CCSER1: variants seen among roughly 807,000 people sequenced by gnomAD.
CCSER1 encodes coiled-coil serine rich protein 1, also known as serine-rich coiled-coil domain-containing protein 1.
A neutral mutation model predicts 82.0 loss-of-function variants in CCSER1; 41 were observed. The observed-to-expected ratio is 0.50, with a 90% CI of 0.39 to 0.65. CCSER1 has a LOEUF of 0.65. Among genes scored for constraint, CCSER1 ranks in the 30% least tolerant of loss-of-function variants. The probability of loss-of-function intolerance (pLI) is 0.00; values close to 1 mark genes in which losing one functional copy is unlikely to be tolerated. For synonymous variants in CCSER1, 414 were observed against 383.9 expected, an observed-to-expected ratio of 1.08 and a Z score of -0.92; for missense variants, 1,119 against 1,064.2, an observed-to-expected ratio of 1.05 and a Z score of -0.72.
At chr4:90,321,567 G>A (rs74497156) in intron 3 of CCSER1, among the ~76,000 whole-genome samples, 5 of 151,936 alleles carry the variant, frequency 3.3e-5, no homozygotes, top group South Asian at 2.1e-4. Flanking sequence ...TCTTTTTTCC[G>A]AGTGCATACT....
At chr4:90,228,303 G>C (rs1471986135) in intron 1 of CCSER1, among the ~76,000 whole-genome samples, 1 of 152,182 alleles carries the variant, frequency 6.6e-6, no homozygotes, top group South Asian at 2.1e-4. Context: ...CTCCTCAAGT[G>C]GGTCCCTGAC....
At chr4:91,284,517 C>T (rs1743131174) in intron 10 of CCSER1, among the ~76,000 whole-genome samples, 1 of 152,104 alleles carries the variant, frequency 6.6e-6, no homozygotes, top group African/African-American at 2.4e-5. Flanking sequence ...GACAGCTTGT[C>T]TGCTTTAACA....
chr4:91,390,269 C>T (rs1215702077), intron 10 of CCSER1, among the ~76,000 whole-genome samples: 1 of 151,748 alleles, frequency 6.6e-6, no homozygotes, highest in African/African-American at 2.4e-5. Flanking sequence ...TGGATATTGT[C>T]AAATGCTTTT....
intron 9 of CCSER1, among the ~76,000 whole-genome samples, chr4:90,934,282 T>C (rs1293258777): frequency 6.6e-6 from 1 of 152,196 alleles, no homozygotes; most frequent in East Asian, 1.9e-4. Context: ...TATTTGTGTG[T>C]TATAACATTT....
chr4:91,294,424 C>A (rs75916922), intron 10 of CCSER1, among the ~76,000 whole-genome samples: 27 of 151,700 alleles, frequency 1.8e-4, no homozygotes, highest in African/African-American at 6.3e-4. Context: ...AATAATATGT[C>A]GAACTCTCTT....
At chr4:90,422,830 T>A (rs1333276299) in intron 4 of CCSER1, among the ~76,000 whole-genome samples, 2 of 152,124 alleles carry the variant, frequency 1.3e-5, no homozygotes, top group Admixed American at 1.3e-4. Flanking sequence ...AAATCTCTCA[T>A]GAACTAAAAT....
chr4:91,219,333 A>T (rs868691938), intron 10 of CCSER1, among the ~76,000 whole-genome samples: 88 of 29,032 alleles, frequency 3.0e-3, no homozygotes, highest in African/African-American at 8.0e-3. Context: ...TTTTTTTTTT[A>T]AAACAGTCTC....
At chr4:90,666,180 G>T (rs891242161) in intron 6 of CCSER1, among the ~76,000 whole-genome samples, 10 of 151,982 alleles carry the variant, frequency 6.6e-5, no homozygotes, top group Non-Finnish European at 1.2e-4. Flanking sequence ...AAAAAACTTT[G>T]CTCTTCAAAG....
rs148932895 is a variant in CCSER1 at position 90,242,302 on chromosome 4, G to A, written c.-41-65942G>A. 6.5e-3 allele frequency among the ~76,000 whole-genome samples: 983 copies of A among 151,944 alleles called. 14 individuals are homozygous for A. The highest frequency in any genetic ancestry group is 0.022 in the African/African-American group (908 of 41,342). ...AGCCTGGGCTACAGAGCAAGACTCCGTCTCAAAAAGAAAAGAAAAGAAAAG... is the reference window on the plus strand; with the variant it reads ...AGCCTGGGCTACAGAGCAAGACTCCATCTCAAAAAGAAAAGAAAAGAAAAG... On this transcript the variant is annotated intron_variant, in intron 1 of 10. Transcript: ENST00000509176.
intron 10 of CCSER1, among the ~76,000 whole-genome samples, chr4:91,454,845 G>A (rs1353127716): frequency 6.6e-6 from 1 of 151,768 alleles, no homozygotes; most frequent in Non-Finnish European, 1.5e-5. Context: ...CTTAGCCATA[G>A]TAGACACAGA....
intron 10 of CCSER1, among the ~76,000 whole-genome samples, chr4:91,498,199 T>TA (rs1284110768): frequency 1.3e-5 from 2 of 151,984 alleles, no homozygotes. Flanking sequence ...TGCTGCAAAA[T>TA]AAAGGTTGAA....
At chr4:90,737,755 A>G (rs763592491) in intron 7 of CCSER1, among the ~76,000 whole-genome samples, 2 of 151,190 alleles carry the variant, frequency 1.3e-5, no homozygotes, top group African/African-American at 2.4e-5. Flanking sequence ...CATTTAGACT[A>G]TTTTCTAGAT....
intron 8 of CCSER1, among the ~76,000 whole-genome samples, chr4:90,841,743 T>C (rs139393607): frequency 8.5e-4 from 129 of 152,290 alleles, no homozygotes; most frequent in African/African-American, 3.1e-3. Flanking sequence ...AGGTTGAATC[T>C]TTTCACATTA....
intron 4 of CCSER1, among the ~76,000 whole-genome samples, chr4:90,420,671 G>A (rs142240670): frequency 2.0e-3 from 298 of 152,100 alleles, no homozygotes; most frequent in African/African-American, 6.6e-3. Context: ...ATCAACAGTA[G>A]CTGAAAAATG....
At chr4:91,258,651 A>C (rs1030568413) in intron 10 of CCSER1, among the ~76,000 whole-genome samples, 4 of 152,138 alleles carry the variant, frequency 2.6e-5, no homozygotes, top group Non-Finnish European at 5.9e-5. Flanking sequence ...TGTACAAATA[A>C]TTAGTTGTGA....
intron 10 of CCSER1, among the ~76,000 whole-genome samples, chr4:91,461,832 T>G (rs1479790111): frequency 6.6e-6 from 1 of 152,184 alleles, no homozygotes; most frequent in Non-Finnish European, 1.5e-5. Context: ...TAAGCAGGCA[T>G]GTAGCAGATC....
intron 9 of CCSER1, among the ~76,000 whole-genome samples, chr4:90,950,548 G>A (rs941904006): frequency 1.1e-4 from 16 of 151,604 alleles, no homozygotes; most frequent in African/African-American, 3.6e-4. Context: ...ATACACACAC[G>A]TTGAATTCCC....
At chr4:90,603,197 G>A (rs190244924) in intron 5 of CCSER1, among the ~76,000 whole-genome samples, 37 of 152,346 alleles carry the variant, frequency 2.4e-4, no homozygotes, top group African/African-American at 8.9e-4. Context: ...GCAGTGGCTG[G>A]AGGAGTAGGG....
intron 6 of CCSER1, among the ~76,000 whole-genome samples, chr4:90,703,031 C>T (rs1738490685): frequency 6.6e-6 from 1 of 152,090 alleles, no homozygotes; most frequent in African/African-American, 2.4e-5. Flanking sequence ...AATGTGTTTG[C>T]TCTTGCTTCT....
Sources: allele counts gnomAD v4.1 joint callset (sites outside exome capture counted in the v4.1 genomes callset), GRCh38; gene constraint gnomAD v4.1.1; transcripts MANE v1.5; gene names NCBI Gene and HGNC (gene_info 2026-07-23, HGNC 2026-07-21).